CCBE1: variants seen among roughly 807,000 people sequenced by gnomAD.
CCBE1 encodes the protein collagen and calcium binding EGF domains 1, also known as collagen and calcium-binding EGF domain-containing protein 1.
A neutral mutation model predicts 50.0 loss-of-function variants in CCBE1; 37 were observed. The observed-to-expected ratio is 0.74, with a 90% CI of 0.57 to 0.97. CCBE1 has a LOEUF of 0.97. CCBE1 is among the 50% of genes least tolerant of loss of function. The probability of loss-of-function intolerance (pLI) is 0.00; values close to 1 mark genes in which losing one functional copy is unlikely to be tolerated. For synonymous variants in CCBE1, 234 were observed against 203.7 expected (o/e 1.15, Z -1.27); for missense variants, 538 against 523.8 (o/e 1.03, Z -0.26).
chr18:59,692,995 CACACACACAAACAA>C (rs2054755288), intron 2 of CCBE1, among the ~76,000 whole-genome samples: 1 of 131,310 alleles, frequency 7.6e-6, no homozygotes, highest in Admixed American at 7.5e-5. Context: ...CACACACACA[CACACACACAAACAA>C]AAAACGCAAA....
At chr18:59,660,155 A>T (rs902461778) in intron 2 of CCBE1, among the ~76,000 whole-genome samples, 1 of 152,032 alleles carries the variant, frequency 6.6e-6, no homozygotes, top group Non-Finnish European at 1.5e-5. Context: ...TCCAGCCTGC[A>T]CTCCCTCTAT....
At chr18:59,512,229 C>T (rs1914163289) in intron 2 of CCBE1, among the ~76,000 whole-genome samples, 1 of 152,186 alleles carries the variant, frequency 6.6e-6, no homozygotes, top group Non-Finnish European at 1.5e-5. Context: ...ATCCCTGGGC[C>T]TGTGCCCAGG....
At chr18:59,603,118 C>T (rs974883527) in intron 2 of CCBE1, among the ~76,000 whole-genome samples, 1 of 152,072 alleles carries the variant, frequency 6.6e-6, no homozygotes, top group East Asian at 1.9e-4. Flanking sequence ...TTAAACTGTC[C>T]CTGAAAAAAA....
intron 2 of CCBE1, among the ~76,000 whole-genome samples, chr18:59,642,599 G>A (rs7238983): frequency 0.015 from 2,309 of 152,274 alleles, 67 homozygotes; most frequent in African/African-American, 0.05. Context: ...ACATCTGCAT[G>A]CAATGGAATA....
At chr18:59,653,205 C>T (rs1161112573) in intron 2 of CCBE1, among the ~76,000 whole-genome samples, 1 of 152,180 alleles carries the variant, frequency 6.6e-6, no homozygotes, top group African/African-American at 2.4e-5. Flanking sequence ...GGACATTGTC[C>T]TTGCCTCCTA....
intron 2 of CCBE1, among the ~76,000 whole-genome samples, chr18:59,613,491 T>C (rs535541394): frequency 6.6e-6 from 1 of 152,368 alleles, no homozygotes; most frequent in South Asian, 2.1e-4. Flanking sequence ...TTCAAACAAT[T>C]ATTTTAAGGG....
At chr18:59,509,909 T>C (rs1257507582) in intron 2 of CCBE1, among the ~76,000 whole-genome samples, 9 of 152,210 alleles carry the variant, frequency 5.9e-5, no homozygotes, top group Middle Eastern at 3.4e-3. Context: ...ATGGGGATGG[T>C]CTAAGGGGAA....
intron 2 of CCBE1, among the ~76,000 whole-genome samples, chr18:59,590,771 G>A (rs774979389): frequency 2.7e-4 from 41 of 152,164 alleles, no homozygotes; most frequent in Non-Finnish European, 5.7e-4. Flanking sequence ...GGGCAAAAAT[G>A]GGTTTTAATA....
At chr18:59,456,339 C>G (rs536804158) in intron 5 of CCBE1, among the ~76,000 whole-genome samples, 11 of 152,306 alleles carry the variant, frequency 7.2e-5, no homozygotes, top group Admixed American at 3.9e-4. Flanking sequence ...TATTTGGAAA[C>G]AGGATCACTT....
At chr18:59,471,901 A>G (rs1912052418) in intron 3 of CCBE1, among the ~76,000 whole-genome samples, 1 of 152,250 alleles carries the variant, frequency 6.6e-6, no homozygotes, top group Non-Finnish European at 1.5e-5. Context: ...CAAGCCGGGC[A>G]TGGTGGCATG....
intron 5 of CCBE1, among the ~76,000 whole-genome samples, chr18:59,456,130 G>A (rs576695685): frequency 1.1e-4 from 17 of 152,244 alleles, no homozygotes; most frequent in Admixed American, 3.3e-4. Context: ...AGCATTTACC[G>A]TGTGTCCCTC....
chr18:59,696,438 T>TG, intron 2 of CCBE1, 191 bp downstream of exon 2: 1 of 1,404,466 alleles, frequency 7.1e-7, no homozygotes, highest in Non-Finnish European at 9.4e-7. Context: ...CAAAGTCAGT[T>TG]GCTCAGTGTT....
At chr18:59,571,306 C>G (rs1363426347) in intron 2 of CCBE1, among the ~76,000 whole-genome samples, 1 of 152,038 alleles carries the variant, frequency 6.6e-6, no homozygotes, top group African/African-American at 2.4e-5. Flanking sequence ...AAAATCTATC[C>G]TTGAGTTCAT....
At chr18:59,473,376 T>G (rs916587328) in intron 3 of CCBE1, among the ~76,000 whole-genome samples, 1 of 152,042 alleles carries the variant, frequency 6.6e-6, no homozygotes, top group Non-Finnish European at 1.5e-5. Context: ...GAATCACATC[T>G]TTTTTCCTCC....
chr18:59,696,665 C>T lies in CCBE1; in HGVS notation c.176G>A (p.Cys59Tyr), dbSNP rs2054808285. The T allele has an allele frequency of 6.2e-7, 1 of 1,613,992 alleles. No homozygotes were observed. The highest frequency in any genetic ancestry group is 8.5e-7 in the Non-Finnish European group (1 of 1,179,978). The change falls in exon 2 of 11, where the codon TGT becomes TAT. Residue 59 changes from cysteine (C) to tyrosine (Y), a missense_variant. Cys to Tyr is a radical substitution (Grantham distance 194). Transcript: ENST00000439986. Reference sequence around the variant, plus strand: ...GGTGAGCTCGCCTGAAGACTTCAGACACGGGTATTTAGTCGTCGCGATTTT... The same window carrying T: ...GGTGAGCTCGCCTGAAGACTTCAGATACGGGTATTTAGTCGTCGCGATTTT... Reference protein sequence around the residue: ...ESKIATTKYPCLKSSGELTTC... With the variant: ...ESKIATTKYPYLKSSGELTTC...
At chr18:59,455,675 G>A (rs1911157240) in intron 5 of CCBE1, among the ~76,000 whole-genome samples, 1 of 152,240 alleles carries the variant, frequency 6.6e-6, no homozygotes, top group African/African-American at 2.4e-5. Context: ...CCTGGCACTG[G>A]AATGGCCTAC....
At chr18:59,581,218 G>A (rs980257244) in intron 2 of CCBE1, among the ~76,000 whole-genome samples, 3 of 152,064 alleles carry the variant, frequency 2.0e-5, no homozygotes, top group African/African-American at 4.8e-5. Context: ...TGAGGTAGGC[G>A]GATCACGAGG....
chr18:59,442,124 A>G (rs1334923679), intron 7 of CCBE1, among the ~76,000 whole-genome samples: 1 of 152,106 alleles, frequency 6.6e-6, no homozygotes, highest in Admixed American at 6.5e-5. Flanking sequence ...CAGATCACCT[A>G]TCTCCAAAAA....
At chr18:59,571,864 A>G (rs1340752107) in intron 2 of CCBE1, among the ~76,000 whole-genome samples, 1 of 152,150 alleles carries the variant, frequency 6.6e-6, no homozygotes, top group Non-Finnish European at 1.5e-5. Flanking sequence ...TGAATCTGCA[A>G]CTCTAGGGGA....
Sources: gnomAD v4.1 joint callset for allele counts (sites outside exome capture counted in the v4.1 genomes callset) on GRCh38, gnomAD v4.1.1 for gene constraint, MANE v1.5 for transcripts, NCBI Gene and HGNC (gene_info 2026-07-23, HGNC 2026-07-21) for gene names.